The following ANK2 variants were observed in gnomAD, a reference collection of about 807,000 sequenced individuals.
ANK2 encodes ankyrin-2.
A neutral mutation model predicts 360.5 loss-of-function variants in ANK2; 83 were observed. That is an observed-to-expected ratio of 0.23 (90% CI 0.19 to 0.28). The LOEUF (loss-of-function observed/expected upper bound fraction) is 0.28, where lower values mean the gene tolerates loss of function less well. Ranked by LOEUF, ANK2 falls within the 10% of genes least tolerant of loss-of-function variation. The pLI, the probability that ANK2 is intolerant of heterozygous loss-of-function variation, is 1.00. For missense variants in ANK2, 4,201 were observed against 4,795.7 expected (o/e 0.88, Z 3.66); for synonymous variants, 1,740 against 1,759.5 (o/e 0.99, Z 0.28).
rs1192955452 is a variant in ANK2, at chr4:113,358,849, A to T, written c.10231A>T (p.Thr3411Ser). Residue 3411 changes from threonine to serine, a missense_variant, in exon 38 of 46, where the codon ACT becomes TCT. By Grantham distance (58) the Thr-to-Ser change is moderately conservative (BLOSUM62 1). Around this residue, in one of 4 missense-constraint regions of ANK2, gnomAD observed 2,642 missense variants for 2,714.5 expected, o/e 0.97. Coordinates refer to ENST00000357077, the MANE Select transcript of ANK2 (RefSeq NM_001148.6). ...TKCPVKTRSY[T>S]ETETESRERA... ...ATGCCCAGTAAAAACCCGAAGTTACACTGAGACAGAAACAGAGAGCAGAGA... is the reference window on the plus strand; with the variant it reads ...ATGCCCAGTAAAAACCCGAAGTTACTCTGAGACAGAAACAGAGAGCAGAGA... 21 of 1,613,988 alleles carry T rather than the reference A, an allele frequency of 1.3e-5. No individual in the cohort carries two copies. The highest frequency in any genetic ancestry group is 1.7e-5 in the Non-Finnish European group (20 of 1,179,992).
chr4:113,155,738 A>C (rs1169767745), intron 1 of ANK2, among the ~76,000 whole-genome samples: 1 of 152,186 alleles, frequency 6.6e-6, no homozygotes, highest in Non-Finnish European at 1.5e-5. Flanking sequence ...ATTTTCAAAA[A>C]CAATGACAAA....
chr4:113,136,946 C>T (rs549255426), intron 1 of ANK2, among the ~76,000 whole-genome samples: 16 of 151,954 alleles, frequency 1.1e-4, no homozygotes, highest in Admixed American at 2.0e-4. Context: ...TTAGTAGAGA[C>T]GAGGTTTCAC....
chr4:112,993,380 G>A (rs746861643), intron 2 of ANK2, among the ~76,000 whole-genome samples: 1 of 151,948 alleles, frequency 6.6e-6, no homozygotes, highest in African/African-American at 2.4e-5. Context: ...TTGGCTCACT[G>A]CAACCTCCAC....
chr4:113,192,835 G>A (rs138624294), intron 2 of ANK2, among the ~76,000 whole-genome samples: 18 of 150,668 alleles, frequency 1.2e-4, no homozygotes, highest in Non-Finnish European at 2.4e-4. Flanking sequence ...GTAAGATTCC[G>A]AAGACCAATT....
At chr4:112,995,320 G>GGTAT (rs2048165191) in intron 2 of ANK2, among the ~76,000 whole-genome samples, 2 of 152,060 alleles carry the variant, frequency 1.3e-5, no homozygotes, top group African/African-American at 4.8e-5. Flanking sequence ...GGTGTGAGAT[G>GGTAT]GTATGTCATT....
intron 1 of ANK2, among the ~76,000 whole-genome samples, chr4:113,058,511 A>G (rs1425906106): frequency 6.6e-6 from 1 of 152,166 alleles, no homozygotes; most frequent in Non-Finnish European, 1.5e-5. Context: ...CATTAGGAGA[A>G]CTATATATGA....
intron 1 of ANK2, among the ~76,000 whole-genome samples, chr4:113,173,846 C>G (rs745332046): frequency 3.3e-5 from 5 of 152,124 alleles, no homozygotes; most frequent in Non-Finnish European, 5.9e-5. Context: ...TCCACACCTG[C>G]GAAGTAGTGC....
the ANK2 span, among the ~76,000 whole-genome samples, chr4:112,795,161 C>T: frequency 4.6e-5 from 7 of 152,188 alleles, no homozygotes; most frequent in Non-Finnish European, 8.8e-5. Context: ...GCCATCTTAT[C>T]TGTGGATGTT....
At chr4:113,053,680 A>G (rs114975166) in intron 1 of ANK2, among the ~76,000 whole-genome samples, 2,312 of 152,198 alleles carry the variant, frequency 0.015, 23 homozygotes, top group Non-Finnish European at 0.022. Flanking sequence ...TGCAGCATCA[A>G]CCCACCTGGC....
At chr4:113,377,747 TG>T (rs1440627625) in intron 45 of ANK2, among the ~76,000 whole-genome samples, 1 of 152,190 alleles carries the variant, frequency 6.6e-6, no homozygotes, top group Non-Finnish European at 1.5e-5. Flanking sequence ...TTATACCATT[TG>T]GGCCTTGTTT....
At chr4:113,099,263 A>AACC (rs1026829871) in intron 1 of ANK2, among the ~76,000 whole-genome samples, 2 of 147,684 alleles carry the variant, frequency 1.4e-5, no homozygotes, top group Non-Finnish European at 3.1e-5. Flanking sequence ...CCAAATGGTC[A>AACC]ACAACAATAA....
At chr4:112,900,070 A>C (rs2082853117) in intron 1 of ANK2, among the ~76,000 whole-genome samples, 1 of 152,180 alleles carries the variant, frequency 6.6e-6, no homozygotes, top group African/African-American at 2.4e-5. Context: ...AGAATAATAT[A>C]AGGTGTCTCA....
intron 2 of ANK2, among the ~76,000 whole-genome samples, chr4:113,040,879 G>A (rs1194159624): frequency 6.6e-6 from 1 of 152,022 alleles, no homozygotes; most frequent in African/African-American, 2.4e-5. Context: ...AAATGAAATG[G>A]ATTTCACAAA....
intron 1 of ANK2, among the ~76,000 whole-genome samples, chr4:113,071,005 A>G (rs1351860765): frequency 6.6e-6 from 1 of 152,266 alleles, no homozygotes; most frequent in African/African-American, 2.4e-5. Flanking sequence ...CAGAGAAGTT[A>G]TGAGTCAAGA....
At chr4:113,193,748 T>A (rs995807886) in intron 2 of ANK2, among the ~76,000 whole-genome samples, 1 of 152,188 alleles carries the variant, frequency 6.6e-6, no homozygotes, top group Non-Finnish European at 1.5e-5. Context: ...GAGGACAAGT[T>A]GCACTTTCCT....
intron 2 of ANK2, among the ~76,000 whole-genome samples, chr4:113,012,105 A>G (rs975018998): frequency 3.3e-5 from 5 of 152,132 alleles, no homozygotes; most frequent in Non-Finnish European, 1.5e-5. Flanking sequence ...CTCCATTTAT[A>G]ACAGAAACTG....
intron 4 of ANK2, among the ~76,000 whole-genome samples, chr4:113,215,979 C>T (rs1464212655): frequency 1.3e-5 from 2 of 152,120 alleles, no homozygotes; most frequent in Admixed American, 6.5e-5. Context: ...ATGAAAAGCA[C>T]ATTTTGAAGG....
rs551437126 is a variant in ANK2, at chr4:112,940,435, A to T, written c.21+35921A>T. Among the ~76,000 whole-genome samples, 7 of 152,316 alleles carry T rather than the reference A, an allele frequency of 4.6e-5. No homozygotes were observed. In the East Asian group the frequency reaches 1.3e-3, roughly 29 times the overall value. ...GGACACACAATAAAAGGAGCTAGTG[A>T]CATTAAAAAATTTGGCTCTATCTGA... On this transcript the variant is annotated intron_variant, in intron 2 of 30. Coordinates refer to the ANK2 transcript ENST00000503271.
At chr4:112,811,598 G>A in the ANK2 span, among the ~76,000 whole-genome samples, 3 of 152,148 alleles carry the variant, frequency 2.0e-5, no homozygotes, top group Non-Finnish European at 4.4e-5. Flanking sequence ...TAAGAACTCA[G>A]CAGCAGATTA....
Sources: allele counts gnomAD v4.1 joint callset (sites outside exome capture counted in the v4.1 genomes callset), GRCh38; gene constraint gnomAD v4.1.1; regional missense constraint gnomAD v4.1.1; transcripts MANE v1.5; gene names NCBI Gene and HGNC (gene_info 2026-07-23, HGNC 2026-07-21).